Variants in MALRD1 observed in about 807,000 individuals in gnomAD.
MALRD1 encodes MAM and LDL-receptor class A domain-containing protein 1.
A neutral mutation model predicts 242.1 loss-of-function variants in MALRD1; 247 were observed. The observed-to-expected ratio is 1.02, with a 90% CI of 0.92 to 1.13. The LOEUF (loss-of-function observed/expected upper bound fraction) is 1.13, where lower values mean the gene tolerates loss of function less well. MALRD1 is among the 50% of genes most tolerant of loss of function. The probability of loss-of-function intolerance (pLI) is 0.00; values close to 1 mark genes in which losing one functional copy is unlikely to be tolerated. For missense variants in MALRD1, 2,989 were observed against 2,533.1 expected, an observed-to-expected ratio of 1.18 and a Z score of -3.86; for synonymous variants, 995 against 866.6, an observed-to-expected ratio of 1.15 and a Z score of -2.60.
intron 36 of MALRD1, among the ~76,000 whole-genome samples, chr10:19,674,794 T>A (rs2131774377): frequency 6.6e-6 from 1 of 152,160 alleles, no homozygotes. Context: ...TGGTTTCTAT[T>A]GACTTGCAGC....
chr10:19,295,828 C>A (rs1309323756), intron 21 of MALRD1, among the ~76,000 whole-genome samples: 1 of 152,152 alleles, frequency 6.6e-6, no homozygotes, highest in East Asian at 1.9e-4. Context: ...TGTTAAAACA[C>A]AGGAATCTTG....
intron 10 of MALRD1, 128 bp from the exon 11 acceptor site, chr10:19,146,070 A>C: frequency 1.6e-6 from 1 of 618,746 alleles, no homozygotes; most frequent in Non-Finnish European, 2.3e-6. Flanking sequence ...TATTCCGATC[A>C]TTAGAGAATA....
At chr10:19,676,896 T>C (rs1407172914) in intron 36 of MALRD1, among the ~76,000 whole-genome samples, 2 of 152,192 alleles carry the variant, frequency 1.3e-5, no homozygotes, top group African/African-American at 4.8e-5. Flanking sequence ...AGCTTCCACT[T>C]ATAAGTGAGA....
intron 33 of MALRD1, among the ~76,000 whole-genome samples, chr10:19,594,578 C>G (rs942170940): frequency 6.6e-6 from 1 of 152,052 alleles, no homozygotes; most frequent in African/African-American, 2.4e-5. Flanking sequence ...GATATGGAAC[C>G]AACCCAAATG....
At chr10:19,401,814 A>G (rs1399108811) in intron 28 of MALRD1, among the ~76,000 whole-genome samples, 2 of 113,970 alleles carry the variant, frequency 1.8e-5, no homozygotes, top group Non-Finnish European at 4.0e-5. Context: ...GATTGATCAA[A>G]CAATCAAAAG....
At chr10:19,400,616 A>C (rs1015207381) in intron 28 of MALRD1, among the ~76,000 whole-genome samples, 2 of 152,242 alleles carry the variant, frequency 1.3e-5, no homozygotes, top group Non-Finnish European at 1.5e-5. Context: ...AGAATAATTC[A>C]ATATTATAAG....
chr10:19,613,591 T>C (rs966172521), intron 35 of MALRD1, among the ~76,000 whole-genome samples: 1 of 152,020 alleles, frequency 6.6e-6, no homozygotes, highest in Non-Finnish European at 1.5e-5. Flanking sequence ...GCTAGTTTAT[T>C]ACCAACAAAA....
chr10:19,578,904 C>A (rs1417239737), intron 33 of MALRD1, among the ~76,000 whole-genome samples: 1 of 152,028 alleles, frequency 6.6e-6, no homozygotes, highest in Non-Finnish European at 1.5e-5. Context: ...CCAGTTCTGA[C>A]CAACAATCTC....
chr10:19,389,431 G>T (rs1229490471), intron 27 of MALRD1, 21 bp from the exon 28 acceptor site: 2 of 1,548,150 alleles, frequency 1.3e-6, no homozygotes, highest in Non-Finnish European at 8.7e-7. Context: ...GTTCTTCTCT[G>T]AATTCTGTCC....
At chr10:19,182,291 C>G (rs2131560590) in intron 14 of MALRD1, among the ~76,000 whole-genome samples, 1 of 149,646 alleles carries the variant, frequency 6.7e-6, no homozygotes, top group Non-Finnish European at 1.5e-5. Context: ...AGTTAGAATT[C>G]CATTTTAAAC....
chr10:19,359,946 C>T (rs1844818494), intron 26 of MALRD1, among the ~76,000 whole-genome samples: 1 of 152,068 alleles, frequency 6.6e-6, no homozygotes, highest in African/African-American at 2.4e-5. Flanking sequence ...CCATGATAAA[C>T]ATTACACCTT....
chr10:19,256,599 A>T (rs1166343222), intron 18 of MALRD1, among the ~76,000 whole-genome samples: 1 of 152,068 alleles, frequency 6.6e-6, no homozygotes. Context: ...ATGCAGAAAC[A>T]TTTCCCAAAT....
intron 21 of MALRD1, among the ~76,000 whole-genome samples, chr10:19,293,284 A>ACATAT (rs1021436929): frequency 6.6e-6 from 1 of 152,086 alleles, no homozygotes; most frequent in Non-Finnish European, 1.5e-5. Context: ...ATATACATAT[A>ACATAT]TTTTTTTGCC....
At chr10:19,282,577 T>C (rs552836133) in intron 20 of MALRD1, among the ~76,000 whole-genome samples, 2 of 152,306 alleles carry the variant, frequency 1.3e-5, no homozygotes, top group East Asian at 3.9e-4. Flanking sequence ...TCTGTAAAAC[T>C]TTATAGGAAA....
At chr10:19,341,438 GTATA>G (rs34129852) in intron 24 of MALRD1, among the ~76,000 whole-genome samples, 1 of 144,618 alleles carries the variant, frequency 6.9e-6, no homozygotes, top group African/African-American at 2.5e-5. Context: ...AACACTATAT[GTATA>G]TATATATATG....
At chr10:19,104,954 C>A (rs1836412607) in intron 5 of MALRD1, among the ~76,000 whole-genome samples, 1 of 151,812 alleles carries the variant, frequency 6.6e-6, no homozygotes, top group African/African-American at 2.4e-5. Context: ...ATACATGTAT[C>A]CATTGTGTAA....
At chr10:19,327,873 A>G (rs1390108568) in intron 23 of MALRD1, among the ~76,000 whole-genome samples, 200 bp downstream of exon 23, 1 of 152,122 alleles carries the variant, frequency 6.6e-6, no homozygotes, top group Non-Finnish European at 1.5e-5. Flanking sequence ...ATTTCTTCCA[A>G]GTAGATATTC....
chr10:19,193,834 G>GAAA (rs56944309), intron 14 of MALRD1, among the ~76,000 whole-genome samples: 2 of 134,904 alleles, frequency 1.5e-5, no homozygotes, highest in African/African-American at 5.6e-5. Flanking sequence ...TAGTCTGGGG[G>GAAA]AAAAAAAATA....
chr10:19,338,474 T>C (rs1426373764), intron 24 of MALRD1, among the ~76,000 whole-genome samples: 1 of 152,126 alleles, frequency 6.6e-6, no homozygotes, highest in Non-Finnish European at 1.5e-5. Context: ...ATGTGATAGC[T>C]CAATTATTTT....
Sources: gnomAD v4.1 joint callset for allele counts (sites outside exome capture counted in the v4.1 genomes callset) on GRCh38, gnomAD v4.1.1 for gene constraint, MANE v1.5 for transcripts, NCBI Gene and HGNC (gene_info 2026-07-23, HGNC 2026-07-21) for gene names.